The following STIM2 variants were observed in gnomAD, a reference collection of about 807,000 sequenced individuals.
The protein encoded by STIM2 is stromal interaction molecule 2.
In STIM2, 31 loss-of-function variants were observed where a neutral mutation model predicts 85.8. That is an observed-to-expected ratio of 0.36 (90% CI 0.27 to 0.49). STIM2 has a LOEUF of 0.49. Among genes scored for constraint, STIM2 ranks in the 20% least tolerant of loss-of-function variants. The pLI is 0.98. For missense variants in STIM2, 841 were observed against 927.6 expected (o/e 0.91, Z 1.21); for synonymous variants, 356 against 331.1 (o/e 1.08, Z -0.82).
chr4:26,899,129 A>G (rs2109050667), intron 1 of STIM2, among the ~76,000 whole-genome samples: 1 of 152,160 alleles, frequency 6.6e-6, no homozygotes, highest in African/African-American at 2.4e-5. Context: ...ATATTTCTAT[A>G]CATTTTATCA....
chr4:26,995,496 T>G lies in STIM2; in HGVS notation c.509+6T>G, dbSNP rs1727923403. On this transcript the variant is annotated splice_donor_region_variant and intron_variant, in intron 4 of 11. Transcript: ENST00000467087. ...AAAGGAACGACACTTCCCAGGTGAG[T>G]CTTTGTTATGCAAATGTATTTTCCA... 1.2e-5 allele frequency: 18 copies of G among 1,555,244 alleles called. No individual in the cohort carries two copies. In the East Asian group the frequency reaches 4.2e-4, roughly 36 times the overall value.
chr4:26,884,359 T>C (rs534328939), intron 1 of STIM2, among the ~76,000 whole-genome samples: 1 of 152,350 alleles, frequency 6.6e-6, no homozygotes, highest in South Asian at 2.1e-4. Flanking sequence ...TAGTACAGTG[T>C]TTGCCACATA....
chr4:26,958,948 CTG>C (rs1407908918), intron 3 of STIM2, among the ~76,000 whole-genome samples: 2 of 152,060 alleles, frequency 1.3e-5, no homozygotes, highest in African/African-American at 2.4e-5. Flanking sequence ...ACCCACTTGA[CTG>C]TGTTTGAATG....
At chr4:26,882,412 T>C (rs1476430437) in intron 1 of STIM2, among the ~76,000 whole-genome samples, 1 of 152,048 alleles carries the variant, frequency 6.6e-6, no homozygotes, top group Non-Finnish European at 1.5e-5. Flanking sequence ...TAATTCTGGT[T>C]TTATCTAGAA....
chr4:26,922,800 T>A (rs1724852909), intron 2 of STIM2, among the ~76,000 whole-genome samples: 1 of 152,158 alleles, frequency 6.6e-6, no homozygotes, highest in Admixed American at 6.5e-5. Flanking sequence ...AATCACTTTG[T>A]TAGCATAAAC....
At chr4:26,891,601 C>A (rs923421816) in intron 1 of STIM2, among the ~76,000 whole-genome samples, 1 of 148,336 alleles carries the variant, frequency 6.7e-6, no homozygotes, top group East Asian at 2.0e-4. Context: ...ACACACACCC[C>A]CTTTTGGTTA....
chr4:27,013,626 A>T (rs182978345), intron 10 of STIM2, among the ~76,000 whole-genome samples: 17 of 152,010 alleles, frequency 1.1e-4, no homozygotes, highest in Non-Finnish European at 2.1e-4. Context: ...ATTACCTTTT[A>T]CTCAGGACAC....
intron 1 of STIM2, among the ~76,000 whole-genome samples, chr4:26,880,796 A>T (rs1011070611): frequency 6.6e-6 from 1 of 151,020 alleles, no homozygotes; most frequent in Non-Finnish European, 1.5e-5. Flanking sequence ...ACGGTAACTT[A>T]AAATGTTTTA....
Position 27,004,336 on chromosome 4 carries a change from A to G in STIM2, c.981+1232A>G, listed in dbSNP as rs186420952. Among the ~76,000 whole-genome samples the G allele has an allele frequency of 6.2e-4, 95 of 152,306 alleles. 1 individual carries two copies. Among genetic ancestry groups the G allele is most frequent in the Admixed American group, 2.4e-3 (36 of 15,294 alleles). ...TTCAACTAACAAACCATATCAGCAC[A>G]GAATGTAGCAAAGAATCAGGGAGTT... On this transcript the variant is annotated intron_variant, in intron 7 of 11. Transcript: ENST00000467087.
At chr4:26,946,806 T>C (rs1725850294) in intron 2 of STIM2, among the ~76,000 whole-genome samples, 1 of 152,202 alleles carries the variant, frequency 6.6e-6, no homozygotes, top group Admixed American at 6.5e-5. Context: ...TTGTGGTTTC[T>C]TATAATTCGC....
intron 2 of STIM2, 129 bp downstream of exon 2, chr4:26,919,763 T>C: frequency 2.6e-6 from 3 of 1,146,114 alleles, no homozygotes; most frequent in Non-Finnish European, 3.6e-6. Context: ...AATTTTTCTT[T>C]TTACATGTTA....
chr4:26,890,824 A>C (rs950334178), intron 1 of STIM2, among the ~76,000 whole-genome samples: 9 of 128,154 alleles, frequency 7.0e-5, no homozygotes, highest in Non-Finnish European at 1.4e-4. Flanking sequence ...ACTCCGTCTC[A>C]AAAAAAAAAA....
At chr4:26,872,047 G>A (rs1361767176) in intron 1 of STIM2, among the ~76,000 whole-genome samples, 4 of 152,202 alleles carry the variant, frequency 2.6e-5, no homozygotes, top group African/African-American at 9.7e-5. Flanking sequence ...AGCCTGGCAA[G>A]GGTAAGTATT....
At chr4:26,938,626 G>A (rs1031980824) in intron 2 of STIM2, among the ~76,000 whole-genome samples, 1 of 152,198 alleles carries the variant, frequency 6.6e-6, no homozygotes, top group African/African-American at 2.4e-5. Context: ...GCTCTAGAAA[G>A]CTGTTTGGAT....
intron 3 of STIM2, among the ~76,000 whole-genome samples, chr4:26,967,442 C>T (rs1227836288): frequency 6.6e-6 from 1 of 152,124 alleles, no homozygotes; most frequent in South Asian, 2.1e-4. Context: ...ATCAGGAAGG[C>T]ACAGTGTCAT....
chr4:26,990,404 T>C (rs1042815912), intron 3 of STIM2, among the ~76,000 whole-genome samples: 2 of 152,168 alleles, frequency 1.3e-5, no homozygotes, highest in African/African-American at 4.8e-5. Context: ...GATATCTCTA[T>C]GCAGAAGAAT....
intron 1 of STIM2, among the ~76,000 whole-genome samples, chr4:26,881,895 C>T (rs1390656182): frequency 1.3e-5 from 2 of 152,126 alleles, no homozygotes; most frequent in Admixed American, 6.5e-5. Context: ...ATTTTAAGGG[C>T]AGCTTCCTAG....
At chr4:26,918,222 G>A (rs1724663113) in intron 1 of STIM2, among the ~76,000 whole-genome samples, 1 of 144,632 alleles carries the variant, frequency 6.9e-6, no homozygotes, top group South Asian at 2.2e-4. Context: ...GGTAATATCA[G>A]TTTGACTTTT....
intron 1 of STIM2, among the ~76,000 whole-genome samples, chr4:26,912,198 C>T (rs1466259747): frequency 6.6e-6 from 1 of 152,062 alleles, no homozygotes; most frequent in African/African-American, 2.4e-5. Context: ...TGAAGAAAAT[C>T]CTAATCATGA....
Sources: gnomAD v4.1 joint callset for allele counts (sites outside exome capture counted in the v4.1 genomes callset) on GRCh38, gnomAD v4.1.1 for gene constraint, MANE v1.5 for transcripts, NCBI Gene and HGNC (gene_info 2026-07-23, HGNC 2026-07-21) for gene names.